Variants in TJAP1 observed in about 807,000 individuals in gnomAD.
The protein encoded by TJAP1 is tight junction associated protein 1.
A neutral mutation model predicts 42.0 loss-of-function variants in TJAP1; 27 were observed. That is an observed-to-expected ratio of 0.64 (90% CI 0.47 to 0.89). The LOEUF is 0.89. Among genes scored for constraint, TJAP1 ranks in the 40% least tolerant of loss-of-function variants. The pLI is 0.00. For synonymous variants in TJAP1, 257 were observed against 288.4 expected, an observed-to-expected ratio of 0.89 and a Z score of 1.10; for missense variants, 712 against 726.9, an observed-to-expected ratio of 0.98 and a Z score of 0.24.
Position 43,505,430 on chromosome 6 carries a change from G to T in TJAP1, c.1249G>T (p.Ala417Ser). 1 of 1,612,848 alleles carries T rather than the reference G, an allele frequency of 6.2e-7. No individual in the cohort carries two copies. The highest frequency in any genetic ancestry group is 8.5e-7 in the Non-Finnish European group (1 of 1,179,992). The change falls in exon 11 of 11, where the codon GCA (alanine) becomes TCA (serine). Residue 417 changes from alanine to serine, a missense_variant. Transcript: ENST00000372449. This position sits in a 1 kb window ranked among gnomAD's most constrained non-coding sequence, Gnocchi z 5.5. ...GGACCTGCTGGTCAGCTGGCAGCGG[G>T]CATTTGTGGACCGTACTCCACCACC...
intron 5 of TJAP1, 162 bp downstream of exon 5, chr6:43,500,934 T>C: frequency 6.4e-6 from 5 of 780,712 alleles, no homozygotes; most frequent in Middle Eastern, 2.4e-4. Flanking sequence ...GTTGTGGATA[T>C]TTTTTCTGGA....
At chr6:43,506,543 A>AT (rs1792403314) in exon 11 of TJAP1, 1 of 152,694 alleles carries the variant, frequency 6.5e-6, no homozygotes, top group Admixed American at 6.5e-5. Flanking sequence ...AAATAAAACT[A>AT]TTTTACTGGT....
intron 2 of TJAP1, among the ~76,000 whole-genome samples, chr6:43,479,927 A>G (rs567473674): frequency 6.6e-6 from 1 of 151,898 alleles, no homozygotes; most frequent in Non-Finnish European, 1.5e-5. Context: ...CTGAGATTGC[A>G]CCACTGCACT....
At chr6:43,487,628 G>T (rs1027819057) in intron 2 of TJAP1, among the ~76,000 whole-genome samples, 1 of 152,122 alleles carries the variant, frequency 6.6e-6, no homozygotes, top group African/African-American at 2.4e-5. Context: ...AAATATCATG[G>T]AAGGGAAAGA....
chr6:43,504,803 A>AGTG, exon 11 of TJAP1: 1 of 1,614,174 alleles, frequency 6.2e-7, no homozygotes, highest in Non-Finnish European at 8.5e-7. Flanking sequence ...ACATTTGCAC[A>AGTG]GTGGTCAAGA....
Position 43,505,369 on chromosome 6 carries a change from A to G in TJAP1, c.1188A>G (p.Thr396=), listed in dbSNP as rs1792088612. The G allele has an allele frequency of 6.2e-7, 1 of 1,608,342 alleles. No individual in the cohort carries two copies. Among genetic ancestry groups the G allele is most frequent in the South Asian group, 1.1e-5 (1 of 90,980 alleles). Residue 396 remains threonine (T), a synonymous_variant, in exon 11 of 11, where the codon ACA becomes ACG. Coordinates refer to ENST00000372449, the Ensembl canonical transcript of TJAP1. This position sits in a 1 kb window ranked among gnomAD's most constrained non-coding sequence, Gnocchi z 5.5. ...ACCAGCCCAGCCCAGCACCCCTAAC[A>G]CTCAGTGCCCCAGCTAGCTCTGCCA...
chr6:43,502,601 A>G, exon 8 of TJAP1: 1 of 1,551,346 alleles, frequency 6.4e-7, no homozygotes, highest in Non-Finnish European at 8.7e-7. Context: ...TCTCTTAGCC[A>G]CAGCTGGATT....
exon 4 of TJAP1, chr6:43,498,996 C>G: frequency 6.2e-7 from 1 of 1,613,624 alleles, no homozygotes; most frequent in South Asian, 1.1e-5. Context: ...GCCGTCACCT[C>G]CCAGAATGAC....
At chr6:43,506,466 AACCTTGGCTCTAG>A (rs931138006) in exon 11 of TJAP1, 1 of 152,690 alleles carries the variant, frequency 6.5e-6, no homozygotes, top group African/African-American at 2.4e-5. Context: ...CCCCACTCCC[AACCTTGGCTCTAG>A]ACTGTTACTC....
intron 2 of TJAP1, among the ~76,000 whole-genome samples, chr6:43,490,774 C>G (rs1272375024): frequency 1.3e-5 from 2 of 152,180 alleles, no homozygotes; most frequent in Non-Finnish European, 2.9e-5. Context: ...CCATGAAAAG[C>G]TGGGAAGGGT....
intron 4 of TJAP1, 96 bp downstream of exon 4, chr6:43,499,196 G>GT: frequency 6.4e-7 from 1 of 1,551,826 alleles, no homozygotes; most frequent in Non-Finnish European, 8.7e-7. Flanking sequence ...CTGGTCCTGA[G>GT]TTGGGGTGAG....
rs1581980794 is a variant in TJAP1 at position 43,491,368 on chromosome 6, G to A, written c.-121-6513G>A. 6.6e-6 allele frequency among the ~76,000 whole-genome samples: 1 copy of A among 152,128 alleles called. No individual in the cohort carries two copies. Among genetic ancestry groups the A allele is most frequent in the Non-Finnish European group, 1.5e-5 (1 of 68,020 alleles). On this transcript the variant is annotated intron_variant, in intron 2 of 10. Transcript: ENST00000372449. The surrounding 1 kb of genome is among the most constrained non-coding windows in gnomAD (Gnocchi z 4.6). Reference sequence around the variant, plus strand: ...TGCAATGGCACGATCTCGGCTTTCTGCAACCTCCGCCTCCCAGGTTTAAGC... The same window carrying A: ...TGCAATGGCACGATCTCGGCTTTCTACAACCTCCGCCTCCCAGGTTTAAGC...
rs1486384388 is a variant in TJAP1, at chr6:43,504,747, C to T, written c.580-14C>T. ...CGATCATTGATGTCTCTCTTTCCTG[C>T]TCTTTTACCTCAGCTGCCCTGTGAG... On this transcript the variant is annotated splice_polypyrimidine_tract_variant and intron_variant, in intron 10 of 10. Transcript: ENST00000372449. 3 of 1,603,656 alleles carry T rather than the reference C, an allele frequency of 1.9e-6. No individual in the cohort carries two copies. In the Admixed American group the frequency reaches 5.1e-5, roughly 27 times the overall value.
At chr6:43,504,848 C>G in exon 11 of TJAP1, 1 of 1,614,228 alleles carries the variant, frequency 6.2e-7, no homozygotes, top group South Asian at 1.1e-5. Flanking sequence ...CAGCCTAGCC[C>G]CAGGGGCTGT....
intron 2 of TJAP1, 80 bp downstream of exon 2, chr6:43,478,312 A>G (rs1420994733): frequency 6.6e-6 from 1 of 152,218 alleles, no homozygotes; most frequent in African/African-American, 2.4e-5. Flanking sequence ...TGATGCCAAG[A>G]AACATTTGGT....
At chr6:43,481,524 G>T (rs1468875000) in intron 2 of TJAP1, among the ~76,000 whole-genome samples, 1 of 134,726 alleles carries the variant, frequency 7.4e-6, no homozygotes, top group Non-Finnish European at 1.6e-5. Flanking sequence ...TGTCTTTCCT[G>T]AATAAAATTA....
chr6:43,502,457 T>G, intron 7 of TJAP1, 108 bp downstream of exon 7: 1 of 1,502,284 alleles, frequency 6.7e-7, no homozygotes, highest in Non-Finnish European at 9.1e-7. Flanking sequence ...AGGGAGATGG[T>G]GGGATGGGGC....
In TJAP1 at chr6:43,505,851, A is replaced by G. The variant is rs1792270760; in HGVS notation, c.1670A>G (p.Asn557Ser). The G allele has an allele frequency of 1.4e-6, 2 of 1,465,606 alleles. No individual in the cohort carries two copies. The highest frequency in any genetic ancestry group is 1.8e-6 in the Non-Finnish European group (2 of 1,113,190). The allele number at this position is 1,465,606 out of a possible 1,614,324, so 90.8% of individuals were successfully genotyped here. The change falls in exon 11 of 11, where the codon AAC (asparagine) becomes AGC (serine). Residue 557 changes from asparagine (N) to serine (S), a missense_variant. Asn to Ser is a conservative substitution (Grantham distance 46). This residue lies in a region of TJAP1 where 549 missense variants were observed against 528.2 expected (regional missense o/e 1.04). Transcript: ENST00000372449. The surrounding 1 kb of genome is among the most constrained non-coding windows in gnomAD (Gnocchi z 5.5). ...GCCCAGGAGCAGGGCAACCTGCTCAACTAGGGCCCCTGCTGGCCTTCCTGC... is the reference window on the plus strand; with the variant it reads ...GCCCAGGAGCAGGGCAACCTGCTCAGCTAGGGCCCCTGCTGGCCTTCCTGC...
chr6:43,490,683 C>T (rs1562251597), intron 2 of TJAP1, among the ~76,000 whole-genome samples: 1 of 152,206 alleles, frequency 6.6e-6, no homozygotes, highest in Non-Finnish European at 1.5e-5. Context: ...AGATGTCACT[C>T]CCATTGGTGA....
Sources: allele counts gnomAD v4.1 joint callset (sites outside exome capture counted in the v4.1 genomes callset), GRCh38; gene constraint gnomAD v4.1.1; regional missense constraint gnomAD v4.1.1; non-coding constraint Gnocchi (gnomAD v3.1); transcripts MANE v1.5; gene names NCBI Gene and HGNC (gene_info 2026-07-23, HGNC 2026-07-21).